The following DPY19L1 variants were observed in gnomAD, a reference collection of about 807,000 sequenced individuals.
DPY19L1 encodes the protein dpy-19 like C-mannosyltransferase 1.
In DPY19L1, 35 loss-of-function variants were observed where a neutral mutation model predicts 96.9. The ratio of observed to expected loss-of-function variants is 0.36; its 90% CI spans 0.28 to 0.48. DPY19L1 has a LOEUF of 0.48. Ranked by LOEUF, DPY19L1 falls within the 20% of genes least tolerant of loss-of-function variation. The pLI is 0.99. For synonymous variants in DPY19L1, 205 were observed against 252.6 expected, an observed-to-expected ratio of 0.81 and a Z score of 1.79; for missense variants, 521 against 777.9, an observed-to-expected ratio of 0.67 and a Z score of 3.93.
rs755462607 is a variant in DPY19L1, at chr7:35,013,521, A to G, written c.549+47T>C. Reference sequence around the variant, plus strand: ...ATTTAGAATCAGCGTTTAATACAAAAAAGTTTTTACAAAAGTGAAAAATCA... The same window carrying G: ...ATTTAGAATCAGCGTTTAATACAAAGAAGTTTTTACAAAAGTGAAAAATCA... On this transcript the variant is annotated intron_variant, in intron 4 of 21. Coordinates refer to ENST00000638088, the MANE Select transcript of DPY19L1 (RefSeq NM_001366673.1). The G allele has an allele frequency of 4.5e-6, 7 of 1,549,440 alleles. No homozygotes were observed. The African/African-American group carries it at 5.5e-5, about 12-fold the overall frequency.
At chr7:34,998,917 G>A (rs145994971) in intron 6 of DPY19L1, among the ~76,000 whole-genome samples, 3 of 152,100 alleles carry the variant, frequency 2.0e-5, no homozygotes, top group African/African-American at 7.2e-5. Context: ...TCTTTAAGTT[G>A]GAAATCTAAC....
chr7:34,981,499 G>GA (rs1784938520), intron 7 of DPY19L1, among the ~76,000 whole-genome samples: 1 of 151,952 alleles, frequency 6.6e-6, no homozygotes. Flanking sequence ...TTAATTAAAA[G>GA]AAAAAAGGGC....
At chr7:34,989,629 A>C (rs919102290) in intron 7 of DPY19L1, among the ~76,000 whole-genome samples, 10 of 126,594 alleles carry the variant, frequency 7.9e-5, no homozygotes, top group Non-Finnish European at 1.7e-4. Flanking sequence ...TCAAAAACAA[A>C]AACAACAACA....
Position 35,037,380 on chromosome 7 carries a change from C to T in DPY19L1, c.15G>A (p.Ala5=), listed in dbSNP as rs1173708539. MVLQ[A]RNKHREAAPK... Reference sequence around the variant, plus strand: ...GAGCCGCCTCCCGGTGCTTGTTCCGCGCCTGCAGGACCATCTTGGCATAGT... The same window carrying T: ...GAGCCGCCTCCCGGTGCTTGTTCCGTGCCTGCAGGACCATCTTGGCATAGT... The change falls in exon 1 of 22, where the codon GCG becomes GCA. Residue 5 remains alanine (A), a synonymous_variant. Coordinates refer to ENST00000638088, the MANE Select transcript of DPY19L1 (RefSeq NM_001366673.1). The T allele has an allele frequency of 1.4e-5, 5 of 349,870 alleles. No homozygotes were observed. The highest frequency in any genetic ancestry group is 2.1e-5 in the Non-Finnish European group (4 of 194,730). The allele number at this position is 349,870 out of a possible 1,614,324, so 21.7% of individuals were successfully genotyped here.
chr7:34,957,082 C>T (rs969503236), intron 11 of DPY19L1, among the ~76,000 whole-genome samples: 8 of 152,158 alleles, frequency 5.3e-5, no homozygotes, highest in Non-Finnish European at 1.2e-4. Context: ...GACTTTTAGA[C>T]TTACAAAGTC....
In DPY19L1 at chr7:34,990,182, G is replaced by A. The variant is rs186679734; in HGVS notation, c.765-241C>T. Among the ~76,000 whole-genome samples, 7 of 152,240 alleles carry A rather than the reference G, an allele frequency of 4.6e-5. No homozygotes were observed. The East Asian group carries it at 5.8e-4, about 13-fold the overall frequency. On this transcript the variant is annotated intron_variant, in intron 6 of 21. Transcript: ENST00000638088. ...AAAATGTATAGACTCAGAAAAGCAC[G>A]CAAACTGAAAGGGAATAGAAAATTC...
chr7:34,969,283 AAAAATGTTTTAGAAAAACATTTTTCCTAG>A (rs1407828723), intron 9 of DPY19L1, 121 bp downstream of exon 9: 3 of 428,868 alleles, frequency 7.0e-6, no homozygotes, highest in African/African-American at 4.1e-5. Flanking sequence ...AATATTTCTA[AAAAATGTTTTAGAAAAACATTTTTCCTAG>A]AAAATGTTTT....
At chr7:35,007,920 G>A (rs577524696) in intron 6 of DPY19L1, among the ~76,000 whole-genome samples, 10 of 151,828 alleles carry the variant, frequency 6.6e-5, no homozygotes, top group Non-Finnish European at 1.2e-4. Flanking sequence ...TTTGGAATAG[G>A]TTTCAACCCA....
At chr7:34,990,586 C>T (rs328914) in intron 6 of DPY19L1, among the ~76,000 whole-genome samples, 37,998 of 152,152 alleles carry the variant, frequency 0.25, 5,270 homozygotes, top group Admixed American at 0.38. Flanking sequence ...GTATGACAAT[C>T]AGGCTTATAA....
intron 13 of DPY19L1, among the ~76,000 whole-genome samples, chr7:34,951,023 TATA>T (rs1175352660): frequency 6.6e-5 from 10 of 152,050 alleles, no homozygotes; most frequent in African/African-American, 2.4e-4. Flanking sequence ...TGTTAGCAAT[TATA>T]ATGTCTCACA....
chr7:34,970,375 A>G (rs1025002425), intron 8 of DPY19L1, among the ~76,000 whole-genome samples: 7 of 152,144 alleles, frequency 4.6e-5, no homozygotes, highest in African/African-American at 1.7e-4. Context: ...GTACTTTTAA[A>G]CTCCAGATAA....
intron 1 of DPY19L1, among the ~76,000 whole-genome samples, chr7:35,032,869 A>G (rs2128684245): frequency 6.6e-6 from 1 of 152,190 alleles, no homozygotes; most frequent in South Asian, 2.1e-4. Flanking sequence ...CCTCCAAAAT[A>G]CAACTCAAAT....
intron 10 of DPY19L1, among the ~76,000 whole-genome samples, chr7:34,966,519 T>A (rs768208339): frequency 6.6e-6 from 1 of 152,166 alleles, no homozygotes; most frequent in Non-Finnish European, 1.5e-5. Context: ...TTCAAACTCC[T>A]GGCGTCAAGT....
chr7:35,010,296 G>A (rs1785674768), intron 6 of DPY19L1, among the ~76,000 whole-genome samples, 172 bp downstream of exon 6: 3 of 152,040 alleles, frequency 2.0e-5, no homozygotes, highest in Admixed American at 2.0e-4. Flanking sequence ...ACTATCTTAA[G>A]TGTGATGGGC....
intron 1 of DPY19L1, among the ~76,000 whole-genome samples, chr7:35,024,056 T>C (rs1786063978): frequency 1.3e-5 from 2 of 152,150 alleles, no homozygotes; most frequent in South Asian, 4.2e-4. Flanking sequence ...CAGGATGGTA[T>C]CGATCTCCTG....
At chr7:35,017,426 C>T (rs1397617539) in intron 3 of DPY19L1, among the ~76,000 whole-genome samples, 5 of 144,930 alleles carry the variant, frequency 3.4e-5, no homozygotes, top group African/African-American at 5.2e-5. Context: ...ACCCGGGAAG[C>T]GGAGCTTGCA....
At chr7:34,976,961 G>A (rs1030524510) in intron 7 of DPY19L1, among the ~76,000 whole-genome samples, 1 of 149,820 alleles carries the variant, frequency 6.7e-6, no homozygotes, top group Non-Finnish European at 1.5e-5. Flanking sequence ...TTTTTTTTTT[G>A]TATTTTTAAT....
At chr7:34,955,478 C>T in intron 11 of DPY19L1, 111 bp from the exon 12 acceptor site, 3 of 1,386,688 alleles carry the variant, frequency 2.2e-6, no homozygotes, top group African/African-American at 1.5e-5. Flanking sequence ...AAATTTAGCA[C>T]ATGGTTGACT....
chr7:34,985,372 T>G (rs1183080754), intron 7 of DPY19L1, among the ~76,000 whole-genome samples: 3 of 152,070 alleles, frequency 2.0e-5, no homozygotes, highest in African/African-American at 4.8e-5. Flanking sequence ...AGGAAATAAT[T>G]AACAGAGTGT....
Sources: gnomAD v4.1 joint callset for allele counts (sites outside exome capture counted in the v4.1 genomes callset) on GRCh38, gnomAD v4.1.1 for gene constraint, MANE v1.5 for transcripts, NCBI Gene and HGNC (gene_info 2026-07-23, HGNC 2026-07-21) for gene names.